DPY19L1: variants seen among roughly 807,000 people sequenced by gnomAD.
DPY19L1 encodes protein C-mannosyl-transferase DPY19L1.
DPY19L1 carries 35 observed loss-of-function variants against 96.9 expected under a neutral mutation model. The ratio of observed to expected loss-of-function variants is 0.36; its 90% CI spans 0.28 to 0.48. DPY19L1 has a LOEUF of 0.48. Ranked by LOEUF, DPY19L1 falls within the 20% of genes least tolerant of loss-of-function variation. DPY19L1 has a pLI of 0.99. For missense variants in DPY19L1, 521 were observed against 777.9 expected, an observed-to-expected ratio of 0.67 and a Z score of 3.93; for synonymous variants, 205 against 252.6, an observed-to-expected ratio of 0.81 and a Z score of 1.79.
At chr7:35,012,742 T>C (rs973608363) in intron 4 of DPY19L1, among the ~76,000 whole-genome samples, 2 of 83,370 alleles carry the variant, frequency 2.4e-5, no homozygotes, top group African/African-American at 7.3e-5. Context: ...AAAAAATACA[T>C]AGACATCATA....
At chr7:35,037,729 C>G (rs1181950156), upstream of DPY19L1, 5 of 859,872 alleles carry the variant, frequency 5.8e-6, no homozygotes, top group East Asian at 2.8e-4. Context: ...CCCCTCTGCG[C>G]CGGACGCGCG....
intron 7 of DPY19L1, 94 bp downstream of exon 7, chr7:34,989,776 AATCAAAATAATAAG>A: frequency 1.0e-6 from 1 of 961,382 alleles, no homozygotes; most frequent in Non-Finnish European, 1.5e-6. Flanking sequence ...TTAAATTTTG[AATCAAAATAATAAG>A]ATCAAACATT....
chr7:34,956,064 AATATAC>A (rs1784372078), intron 11 of DPY19L1, among the ~76,000 whole-genome samples: 1 of 152,218 alleles, frequency 6.6e-6, no homozygotes, highest in African/African-American at 2.4e-5. Context: ...AAATATATGG[AATATAC>A]ATAAATATGC....
At chr7:35,011,157 G>T (rs966387261) in intron 5 of DPY19L1, among the ~76,000 whole-genome samples, 173 bp downstream of exon 5, 2 of 152,094 alleles carry the variant, frequency 1.3e-5, no homozygotes, top group African/African-American at 4.8e-5. Context: ...TGAAATCATG[G>T]ACATAAACCA....
chr7:35,008,765 C>T (rs896699233), intron 6 of DPY19L1, among the ~76,000 whole-genome samples: 1 of 152,160 alleles, frequency 6.6e-6, no homozygotes, highest in African/African-American at 2.4e-5. Context: ...TGCCATGTTT[C>T]ATATTTTAAC....
At chr7:35,013,311 T>G (rs1239072202) in intron 4 of DPY19L1, among the ~76,000 whole-genome samples, 1 of 152,116 alleles carries the variant, frequency 6.6e-6, no homozygotes, top group Admixed American at 6.6e-5. Flanking sequence ...CTTGGTATAA[T>G]CCCTGTAAGC....
In DPY19L1 at chr7:34,969,531, C is replaced by T. The variant is rs530888124; in HGVS notation, c.916G>A (p.Ala306Thr). 3 of 1,528,962 alleles carry T rather than the reference C, an allele frequency of 2.0e-6. No individual in the cohort carries two copies. Among genetic ancestry groups the T allele is most frequent in the African/African-American group, 1.4e-5 (1 of 71,044 alleles). 94.7% of individuals were successfully genotyped at this position (1,528,962 alleles called of 1,614,324 possible). A position where few individuals can be genotyped will look rare whatever the true frequency, so the allele number is the denominator to read the frequency against. Residue 306 changes from alanine to threonine, a missense_variant and splice_region_variant, in exon 9 of 22, where the codon GCT becomes ACT. By Grantham distance (58) the Ala-to-Thr change is moderately conservative. Coordinates refer to ENST00000638088, the MANE Select transcript of DPY19L1 (RefSeq NM_001366673.1). Reference sequence around the variant, plus strand: ...AAGCTTCCTCTATAAAGTTTTGTAGCCCTTGAAAAGATAAAATAAGTGTTA... The same window carrying T: ...AAGCTTCCTCTATAAAGTTTTGTAGTCCTTGAAAAGATAAAATAAGTGTTA... ...QMLLVTHILR[A>T]TKLYRGSLIA...
intron 21 of DPY19L1, among the ~76,000 whole-genome samples, chr7:34,933,792 T>C (rs778810188): frequency 6.6e-6 from 1 of 152,218 alleles, no homozygotes; most frequent in Non-Finnish European, 1.5e-5. Context: ...CCAGGGGACC[T>C]TGGGCCTTCA....
In DPY19L1 at chr7:34,947,712, A is replaced by G; in HGVS notation, c.1423-11T>C. The stretch of plus-strand genomic sequence containing the variant: ...GTATCTCAGTGGAGTCTGAAATTCA[A>G]AGAGATGTTTTGTTAGAAGGAAACA... On this transcript the variant is annotated splice_polypyrimidine_tract_variant and intron_variant, in intron 14 of 21. Transcript: ENST00000638088. 1.9e-6 allele frequency: 3 copies of G among 1,600,640 alleles called. No individual in the cohort carries two copies. The highest frequency in any genetic ancestry group is 3.5e-5 in the Admixed American group (2 of 57,468).
At position 34,949,257 on chromosome 7, in the gene DPY19L1, T is replaced by C. The variant is rs2023326; in HGVS notation, c.1422+540A>G. ...GTCTTCACAATATCTGTTTATGGCA[T>C]GCTACTAGAAACTAGTAAACTATAA... On this transcript the variant is annotated intron_variant, in intron 14 of 21. Transcript: ENST00000638088. Among the ~76,000 whole-genome samples the C allele has an allele frequency of 1.5e-3, 230 of 152,328 alleles. 1 individual carries two copies. The highest frequency in any genetic ancestry group is 5.3e-3 in the African/African-American group (222 of 41,582).
intron 13 of DPY19L1, among the ~76,000 whole-genome samples, chr7:34,951,613 C>T (rs568565929): frequency 1.6e-4 from 24 of 151,726 alleles, no homozygotes; most frequent in Admixed American, 7.9e-4. Flanking sequence ...GAGGTAAAAA[C>T]AACAGAGCTA....
chr7:35,028,134 T>C (rs929165647), intron 1 of DPY19L1, among the ~76,000 whole-genome samples: 1 of 152,020 alleles, frequency 6.6e-6, no homozygotes, highest in African/African-American at 2.4e-5. Flanking sequence ...CAGATATGGG[T>C]CTTATTTTCC....
intron 6 of DPY19L1, among the ~76,000 whole-genome samples, chr7:35,009,387 T>G (rs550025422): frequency 9.1e-4 from 138 of 152,298 alleles, no homozygotes; most frequent in African/African-American, 3.2e-3. Flanking sequence ...CAAGGTAAAA[T>G]ACTTCAAACA....
chr7:34,999,652 C>T (rs1036870197), intron 6 of DPY19L1, among the ~76,000 whole-genome samples: 13 of 151,956 alleles, frequency 8.6e-5, no homozygotes, highest in African/African-American at 2.7e-4. Flanking sequence ...GAGGGAGGCC[C>T]CAGGGGATAG....
intron 21 of DPY19L1, among the ~76,000 whole-genome samples, chr7:34,932,664 C>T (rs1379939198): frequency 6.6e-6 from 1 of 152,150 alleles, no homozygotes; most frequent in East Asian, 1.9e-4. Context: ...AGCAACATAT[C>T]TTTATAAATT....
rs540574604 is a variant in DPY19L1 at position 34,950,978 on chromosome 7, G to A, written c.1321-1080C>T. Among the ~76,000 whole-genome samples the A allele has an allele frequency of 3.3e-5, 5 of 152,094 alleles. No individual in the cohort carries two copies. In the South Asian group the frequency reaches 1.0e-3, roughly 32 times the overall value. ...AAAGGTTGAAAACAGAAGAATGGAA[G>A]AAGATATACCAGGTAAGTTTAAAAC... On this transcript the variant is annotated intron_variant, in intron 13 of 21. Coordinates refer to ENST00000638088, the MANE Select transcript of DPY19L1 (RefSeq NM_001366673.1).
At chr7:34,934,051 C>T (rs1783813733) in intron 21 of DPY19L1, among the ~76,000 whole-genome samples, 1 of 151,378 alleles carries the variant, frequency 6.6e-6, no homozygotes, top group South Asian at 2.1e-4. Flanking sequence ...GCAAGCTCCA[C>T]CTCCCAGGTT....
intron 16 of DPY19L1, 25 bp from the exon 17 acceptor site, chr7:34,942,664 C>T (rs750927003): frequency 1.5e-5 from 24 of 1,582,184 alleles, no homozygotes; most frequent in African/African-American, 5.5e-5. Flanking sequence ...AATATATTGC[C>T]ATCAATTCAT....
intron 15 of DPY19L1, among the ~76,000 whole-genome samples, chr7:34,946,466 A>T (rs1784148055): frequency 6.6e-6 from 1 of 152,194 alleles, no homozygotes; most frequent in Non-Finnish European, 1.5e-5. Context: ...TTTCTTCTTT[A>T]AACGAAACAG....
Sources: allele counts gnomAD v4.1 joint callset (sites outside exome capture counted in the v4.1 genomes callset), GRCh38; gene constraint gnomAD v4.1.1; transcripts MANE v1.5; gene names NCBI Gene and HGNC (gene_info 2026-07-23, HGNC 2026-07-21).